NCBP3: variants seen among roughly 807,000 people sequenced by gnomAD.
NCBP3 encodes the protein nuclear cap binding subunit 3.
Under a neutral mutation model 75.7 loss-of-function variants are expected in NCBP3, and 20 were observed. That is an observed-to-expected ratio of 0.26 (90% CI 0.19 to 0.38). NCBP3 has a LOEUF of 0.38. Ranked by LOEUF, NCBP3 falls within the 10% of genes least tolerant of loss-of-function variation. The pLI is 1.00. For missense variants in NCBP3, 678 were observed against 796.9 expected (o/e 0.85, Z 1.80); for synonymous variants, 293 against 290.5 (o/e 1.01, Z -0.09).
Position 3,834,173 on chromosome 17 carries a change from T to C in NCBP3, c.356-4805A>G, listed in dbSNP as rs1231644930. On this transcript the variant is annotated intron_variant, in intron 3 of 12. Coordinates refer to ENST00000389005, the MANE Select transcript of NCBP3 (RefSeq NM_001114118.3). ...GGCACACATGTAGGAGAGAGACGGA[T>C]TACAATGAGAATGGCACAAATCTGA... 2.0e-5 allele frequency among the ~76,000 whole-genome samples: 3 copies of C among 152,126 alleles called. No homozygotes were observed. The East Asian group carries it at 5.8e-4, about 29-fold the overall frequency.
At chr17:3,843,057 C>A (rs781592964) in intron 2 of NCBP3, 29 bp downstream of exon 2, 33 of 1,499,412 alleles carry the variant, frequency 2.2e-5, no homozygotes, top group Non-Finnish European at 2.7e-5. Flanking sequence ...GCTTATCAAG[C>A]TGAATAAATA....
intron 3 of NCBP3, among the ~76,000 whole-genome samples, chr17:3,835,846 G>C (rs1283125612): frequency 6.6e-6 from 1 of 152,206 alleles, no homozygotes; most frequent in African/African-American, 2.4e-5. Context: ...CTTGATGCAG[G>C]ACAGTCCAGT....
chr17:3,825,061 A>G lies in NCBP3; in HGVS notation c.688-11T>C, dbSNP rs956804472. 9 of 1,410,184 alleles carry G rather than the reference A, an allele frequency of 6.4e-6. No individual in the cohort carries two copies. The highest frequency in any genetic ancestry group is 7.7e-6 in the Non-Finnish European group (8 of 1,037,750). 87.4% of individuals were successfully genotyped at this position (1,410,184 alleles called of 1,614,324 possible). The stretch of plus-strand genomic sequence containing the variant: ...AGACAACGTATCCAACTTAAGAAAG[A>G]AGAGTATTTTTAATATAAAAATTAA... On this transcript the variant is annotated splice_polypyrimidine_tract_variant and intron_variant, in intron 6 of 12. Coordinates refer to ENST00000389005, the MANE Select transcript of NCBP3 (RefSeq NM_001114118.3).
chr17:3,814,178 G>A (rs1013761177), intron 12 of NCBP3, 144 bp downstream of exon 12: 7 of 841,784 alleles, frequency 8.3e-6, no homozygotes, highest in South Asian at 5.7e-5. Flanking sequence ...TGATGCTGAC[G>A]ATAACTATAA....
chr17:3,824,889 A>G, intron 7 of NCBP3, 53 bp downstream of exon 7: 2 of 1,031,300 alleles, frequency 1.9e-6, no homozygotes, highest in Non-Finnish European at 2.8e-6. Flanking sequence ...ATGTCACTCC[A>G]TAATAAATCA....
Position 3,822,069 on chromosome 17 carries a change from A to G in NCBP3, c.797-17T>C, listed in dbSNP as rs561896465. On this transcript the variant is annotated splice_polypyrimidine_tract_variant and intron_variant, in intron 7 of 12. Transcript: ENST00000389005. ...TTTTGTCATCTAAAAATTAATGACA[A>G]TAGTTACCTAGGATTTCCTGTGAGT... 61 of 1,497,746 alleles carry G rather than the reference A, an allele frequency of 4.1e-5. No individual in the cohort carries two copies. The African/African-American group carries it at 6.6e-4, about 16-fold the overall frequency. 92.8% of individuals were successfully genotyped at this position (1,497,746 alleles called of 1,614,324 possible).
intron 4 of NCBP3, among the ~76,000 whole-genome samples, chr17:3,828,762 C>A (rs1400477289): frequency 6.6e-6 from 1 of 152,078 alleles, no homozygotes; most frequent in Non-Finnish European, 1.5e-5. Flanking sequence ...GTGTTTAGCT[C>A]TAGGTCATTC....
At chr17:3,814,598 TGACA>T (rs1264738792) in intron 11 of NCBP3, 115 bp from the exon 12 acceptor site, 32 of 1,055,028 alleles carry the variant, frequency 3.0e-5, no homozygotes, top group South Asian at 1.8e-4. Context: ...ACACAGGGCC[TGACA>T]ATCAGGCTGC....
chr17:3,826,529 G>A (rs1030089864), intron 4 of NCBP3, among the ~76,000 whole-genome samples: 14 of 152,098 alleles, frequency 9.2e-5, no homozygotes, highest in Admixed American at 5.9e-4. Context: ...TACTTGGGAG[G>A]CCGAGGTGGG....
chr17:3,831,369 C>T lies in NCBP3; in HGVS notation c.356-2001G>A, dbSNP rs149995838. 4.3e-3 allele frequency among the ~76,000 whole-genome samples: 647 copies of T among 151,460 alleles called. 5 individuals are homozygous for T. The highest frequency in any genetic ancestry group is 0.015 in the African/African-American group (610 of 41,308). ...CAGGCAGATCACGAGGTCAAGAGGT[C>T]GAGACCATCTGGCCAACATGGTGAA... is the stretch of plus-strand genomic sequence containing the variant. On this transcript the variant is annotated intron_variant, in intron 3 of 12. Coordinates refer to ENST00000389005, the MANE Select transcript of NCBP3 (RefSeq NM_001114118.3).
Position 3,806,609 on chromosome 17 carries a change from C to G in NCBP3, c.*6435G>C, listed in dbSNP as rs897328308. 6.6e-6 allele frequency: 1 copy of G among 150,882 alleles called. No homozygotes were observed. The highest frequency in any genetic ancestry group is 2.4e-5 in the African/African-American group (1 of 41,070). 9.3% of individuals were successfully genotyped at this position (150,882 alleles called of 1,614,324 possible). ...TCTCAAGTTTTATGGATAGTGCAGC[C>G]AAATTCCACTCGGATGCCTCACAAC... On this transcript the variant is annotated 3_prime_UTR_variant, in exon 13 of 13. Transcript: ENST00000389005.
chr17:3,841,868 C>A (rs923138089), intron 2 of NCBP3, among the ~76,000 whole-genome samples: 2 of 149,304 alleles, frequency 1.3e-5, no homozygotes, highest in South Asian at 2.1e-4. Context: ...AAGGAAGGCA[C>A]GAAATATATT....
rs763908946 is a variant in NCBP3 at position 3,814,418 on chromosome 17, C to T, written c.1531G>A (p.Val511Ile). The T allele has an allele frequency of 3.3e-5, 54 of 1,614,114 alleles. No homozygotes were observed. The highest frequency in any genetic ancestry group is 1.6e-4 in the Middle Eastern group (1 of 6,084). Residue 511 changes from valine (V) to isoleucine (I), a missense_variant, in exon 12 of 13, where the codon GTT becomes ATT. By Grantham distance (29) the Val-to-Ile change is conservative. This residue lies in a region of NCBP3 where 365 missense variants were observed against 392.7 expected (regional missense o/e 0.93). Transcript: ENST00000389005. ...ACATCAGAAGAGGGCTCTCTCCGAA[C>T]GACGGGGTTACTACTAAAAGCCTTT... ...PEKAFSSNPV[V>I]RREPSSDVHS...
intron 2 of NCBP3, among the ~76,000 whole-genome samples, chr17:3,842,334 A>G (rs62070431): frequency 0.16 from 24,323 of 152,056 alleles, 2,246 homozygotes; most frequent in Non-Finnish European, 0.21. Context: ...CTGAGGCAGA[A>G]GAATCGCTGG....
intron 3 of NCBP3, among the ~76,000 whole-genome samples, chr17:3,835,355 A>G (rs2053955739): frequency 6.6e-6 from 1 of 152,260 alleles, no homozygotes; most frequent in South Asian, 2.1e-4. Context: ...GGTGAGGAAC[A>G]GTCCTGCCGT....
chr17:3,813,411 G>T, intron 12 of NCBP3, 132 bp from the exon 13 acceptor site: 1 of 1,108,264 alleles, frequency 9.0e-7, no homozygotes, highest in Non-Finnish European at 1.3e-6. Flanking sequence ...CCACCACAGT[G>T]CAGCCTTGGG....
intron 3 of NCBP3, among the ~76,000 whole-genome samples, chr17:3,833,538 G>A (rs1183238214): frequency 1.3e-5 from 2 of 152,050 alleles, no homozygotes; most frequent in African/African-American, 4.8e-5. Flanking sequence ...TGGGTGCAGT[G>A]GCTCATGCCC....
At chr17:3,842,934 G>A (rs1041344018) in intron 2 of NCBP3, among the ~76,000 whole-genome samples, 152 bp downstream of exon 2, 4 of 152,026 alleles carry the variant, frequency 2.6e-5, no homozygotes, top group South Asian at 2.1e-4. Flanking sequence ...ATGAGCCAGC[G>A]TGCCTGGCCA....
intron 10 of NCBP3, among the ~76,000 whole-genome samples, chr17:3,817,510 T>A (rs1402989927): frequency 6.6e-6 from 1 of 152,068 alleles, no homozygotes; most frequent in African/African-American, 2.4e-5. Flanking sequence ...GCGCCTGTAG[T>A]CCCAGCTACT....
Sources: gnomAD v4.1 joint callset for allele counts (sites outside exome capture counted in the v4.1 genomes callset) on GRCh38, gnomAD v4.1.1 for gene constraint, gnomAD v4.1.1 regional missense constraint, MANE v1.5 for transcripts, NCBI Gene and HGNC (gene_info 2026-07-23, HGNC 2026-07-21) for gene names.